The following PAEP variants were observed in gnomAD, a reference collection of about 807,000 sequenced individuals.
The protein encoded by PAEP is progestagen associated endometrial protein.
A neutral mutation model predicts 23.0 loss-of-function variants in PAEP; 28 were observed. That is an observed-to-expected ratio of 1.22 (90% confidence interval 0.90 to 1.67). The LOEUF is 1.67. PAEP is among the 40% of genes most tolerant of loss of function. The pLI, the probability that PAEP is intolerant of heterozygous loss-of-function variation, is 0.00. For synonymous variants in PAEP, 103 were observed against 92.4 expected, an observed-to-expected ratio of 1.12 and a Z score of -0.66; for missense variants, 209 against 226.4, an observed-to-expected ratio of 0.92 and a Z score of 0.49.
intron 6 of PAEP, 101 bp downstream of exon 6, chr9:135,565,902 G>A: frequency 7.7e-7 from 1 of 1,294,678 alleles, no homozygotes; most frequent in South Asian, 1.2e-5. Context: ...ACTGTGTCCA[G>A]TTCAGGGCTG....
In PAEP at chr9:135,566,939, G is replaced by C. The variant is rs555849896; in HGVS notation, c.*387G>C. 6.6e-6 allele frequency: 1 copy of C among 152,326 alleles called. No homozygotes were observed. The highest frequency in any genetic ancestry group is 2.1e-4 in the South Asian group (1 of 4,820). The allele number at this position is 152,326 out of a possible 1,614,324, so 9.4% of individuals were successfully genotyped here. A position where few individuals can be genotyped will look rare whatever the true frequency, so the allele number is the denominator to read the frequency against. On this transcript the variant is annotated 3_prime_UTR_variant, in exon 7 of 7. Coordinates refer to ENST00000479141, the MANE Select transcript of PAEP (RefSeq NM_002571.4). Reference sequence around the variant, plus strand: ...CAAGTTTCTTATCTACAAAACAAAAGGGTCCACTTTCACAAACTTGTGAAA... The same window carrying C: ...CAAGTTTCTTATCTACAAAACAAAACGGTCCACTTTCACAAACTTGTGAAA...
At chr9:135,563,403 C>T (rs978967400) in intron 3 of PAEP, among the ~76,000 whole-genome samples, 24 of 135,330 alleles carry the variant, frequency 1.8e-4, no homozygotes, top group African/African-American at 6.1e-4. Context: ...TACAGGTGGA[C>T]AGGTGGGTAG....
rs902360540 is a variant in PAEP, at chr9:135,564,752, C to T, written c.421+398C>T. The T allele has an allele frequency of 7.4e-6, 7 of 949,148 alleles. No individual in the cohort carries two copies. The African/African-American group carries it at 1.1e-4, about 14-fold the overall frequency. The allele number at this position is 949,148 out of a possible 1,614,324, so 58.8% of individuals were successfully genotyped here. Reference sequence around the variant, plus strand: ...ACTCCTGGATCAAGTGATCCACCCGCCTTGGCCTCCCAAAGGGCTGGGATT... The same window carrying T: ...ACTCCTGGATCAAGTGATCCACCCGTCTTGGCCTCCCAAAGGGCTGGGATT... On this transcript the variant is annotated intron_variant, in intron 4 of 6. Transcript: ENST00000479141.
At chr9:135,565,019 G>A (rs1180845202) in intron 4 of PAEP, among the ~76,000 whole-genome samples, 2 of 152,216 alleles carry the variant, frequency 1.3e-5, no homozygotes, top group African/African-American at 4.8e-5. Context: ...CCTTCCCCAT[G>A]TTTCTGAGCA....
chr9:135,564,710 G>T, intron 4 of PAEP: 1 of 708,366 alleles, frequency 1.4e-6, no homozygotes, highest in Non-Finnish European at 1.7e-6. Context: ...TCACCATGTT[G>T]GCCAGGCTGG....
chr9:135,562,260 G>T (rs1832333896), intron 1 of PAEP, 34 bp from the exon 2 acceptor site: 1 of 1,605,946 alleles, frequency 6.2e-7, no homozygotes, highest in East Asian at 2.2e-5. Flanking sequence ...GCCATGGTGG[G>T]GTGGGACCGC....
chr9:135,561,886 G>T lies in PAEP; in HGVS notation c.85G>T (p.Glu29Ter). ...CATCCCCCAGACCAAGCAGGACCTG[G>T]AGCTCCCAAAGGTTTGAGGCTGGGG... Reference protein sequence around the residue: ...MDIPQTKQDLELPKLAGTWHS... With the variant: ...MDIPQTKQDL Residue 29 changes from glutamate to a stop codon, truncating the protein, a stop_gained, in exon 1 of 7, where the codon GAG becomes TAG. Coordinates refer to ENST00000479141, the MANE Select transcript of PAEP (RefSeq NM_002571.4). LOFTEE classifies it high-confidence loss of function. 1 of 1,564,598 alleles carries T rather than the reference G, an allele frequency of 6.4e-7. No individual in the cohort carries two copies. The highest frequency in any genetic ancestry group is 1.2e-5 in the South Asian group (1 of 85,014).
chr9:135,561,846 T>G lies in PAEP; in HGVS notation c.45T>G (p.Gly15=). ...CCCTGGGCGTGGCCCTGGTCTGTGGTGTCCCGGCCATGGACATCCCCCAGA... is the reference window on the plus strand; with the variant it reads ...CCCTGGGCGTGGCCCTGGTCTGTGGGGTCCCGGCCATGGACATCCCCCAGA... ...LLTLGVALVC[G]VPAMDIPQTK... Residue 15 remains glycine, a synonymous_variant, in exon 1 of 7, where the codon GGT becomes GGG. Coordinates refer to ENST00000479141, the MANE Select transcript of PAEP (RefSeq NM_002571.4). 6.4e-7 allele frequency: 1 copy of G among 1,566,148 alleles called. No homozygotes were observed. Among genetic ancestry groups the G allele is most frequent in the Non-Finnish European group, 8.7e-7 (1 of 1,154,656 alleles).
chr9:135,565,631 G>A (rs775407150), intron 5 of PAEP, 117 bp downstream of exon 5: 13 of 1,308,760 alleles, frequency 9.9e-6, no homozygotes, highest in East Asian at 2.5e-5. Context: ...CCCCTCCCCT[G>A]TTCTCCCCTG....
chr9:135,563,179 C>G (rs934713889), intron 3 of PAEP, among the ~76,000 whole-genome samples: 36 of 152,228 alleles, frequency 2.4e-4, no homozygotes, highest in African/African-American at 8.4e-4. Context: ...TTCACTCTGG[C>G]CTCACAAAAG....
At position 135,565,466 on chromosome 9, in the gene PAEP, C is replaced by A. The variant is rs543583253; in HGVS notation, c.478C>A (p.Pro160Thr). ...IMQGFIRAFR[P>T]LPRHLWYLLD... ...GCAGGGATTCATCAGGGCTTTCAGG[C>A]CCCTGCCCAGGCACCTATGGTACTT... is the stretch of plus-strand genomic sequence containing the variant. The change falls in exon 5 of 7, where the codon CCC (proline) becomes ACC (threonine). Residue 160 changes from proline to threonine, a missense_variant. Pro to Thr is a conservative substitution (Grantham distance 38). Coordinates refer to ENST00000479141, the MANE Select transcript of PAEP (RefSeq NM_002571.4). 6.2e-7 allele frequency: 1 copy of A among 1,614,164 alleles called. No homozygotes were observed. The highest frequency in any genetic ancestry group is 8.5e-7 in the Non-Finnish European group (1 of 1,180,006).
chr9:135,564,796 G>T, intron 4 of PAEP: 3 of 985,386 alleles, frequency 3.0e-6, no homozygotes, highest in African/African-American at 1.7e-5. Flanking sequence ...GAGCCACCAC[G>T]CCCGGCCAGG....
At chr9:135,564,376 C>T (rs746308760) in intron 4 of PAEP, 22 bp downstream of exon 4, 2 of 1,548,050 alleles carry the variant, frequency 1.3e-6, no homozygotes, top group South Asian at 1.2e-5. Flanking sequence ...AGCACATGAG[C>T]TCAACGTGGG....
In PAEP at chr9:135,564,564, C is replaced by G. The variant is rs908867886; in HGVS notation, c.421+210C>G. The stretch of plus-strand genomic sequence containing the variant: ...TGTCACTCAGGCTGGAGTGTAGTGA[C>G]GTGATCTCGGCTCACTGCAACTTCT... On this transcript the variant is annotated intron_variant, in intron 4 of 6. Coordinates refer to ENST00000479141, the MANE Select transcript of PAEP (RefSeq NM_002571.4). 4.6e-6 allele frequency: 4 copies of G among 861,642 alleles called. No homozygotes were observed. In the African/African-American group the frequency reaches 7.3e-5, roughly 16 times the overall value. The allele number at this position is 861,642 out of a possible 1,614,324, so 53.4% of individuals were successfully genotyped here.
At position 135,561,768 on chromosome 9, in the gene PAEP, G is replaced by C. The variant is rs1832301897; in HGVS notation, c.-34G>C. 1 of 1,496,732 alleles carries C rather than the reference G, an allele frequency of 6.7e-7. No homozygotes were observed. Among genetic ancestry groups the C allele is most frequent in the South Asian group, 1.2e-5 (1 of 82,286 alleles). 92.7% of individuals were successfully genotyped at this position (1,496,732 alleles called of 1,614,324 possible). ...CCCACACTGCCTCAGCATCCCTCTG[G>C]CTCCAGAGCTCAGAGCCACCCACAG... On this transcript the variant is annotated 5_prime_UTR_variant, in exon 1 of 7. Transcript: ENST00000479141.
intron 4 of PAEP, chr9:135,564,618 C>T (rs1300967936): frequency 1.7e-6 from 1 of 590,864 alleles, no homozygotes; most frequent in East Asian, 1.4e-4. Flanking sequence ...ATTCTCGTGC[C>T]TCAGCCTCCA....
chr9:135,562,572 A>G lies in PAEP; in HGVS notation c.236+139A>G, dbSNP rs1832361263. 2.1e-5 allele frequency: 24 copies of G among 1,145,072 alleles called. No individual in the cohort carries two copies. The Middle Eastern group carries it at 1.0e-3, about 50-fold the overall frequency. 70.9% of individuals were successfully genotyped at this position (1,145,072 alleles called of 1,614,324 possible). The stretch of plus-strand genomic sequence containing the variant: ...CCAGGGGCTTCACTGTGGCCCTTCC[A>G]TGAGGGTGGGGTGGAAAACCAGGGC... On this transcript the variant is annotated intron_variant, in intron 2 of 6. Transcript: ENST00000479141.
intron 6 of PAEP, chr9:135,566,074 G>A (rs1832568122): frequency 2.0e-6 from 1 of 506,054 alleles, no homozygotes; most frequent in South Asian, 2.8e-5. Context: ...TAGGGGTGTT[G>A]GTTGGAAATG....
At chr9:135,564,211 A>T in intron 3 of PAEP, 33 bp from the exon 4 acceptor site, 1 of 1,551,346 alleles carries the variant, frequency 6.4e-7, no homozygotes, top group Non-Finnish European at 8.7e-7. Flanking sequence ...CGGAGGCTTC[A>T]TCTTCCTTTT....
Sources: gnomAD v4.1 joint callset for allele counts (sites outside exome capture counted in the v4.1 genomes callset) on GRCh38, gnomAD v4.1.1 for gene constraint, MANE v1.5 for transcripts, NCBI Gene and HGNC (gene_info 2026-07-23, HGNC 2026-07-21) for gene names.